The following CSMD1 variants were observed in gnomAD, a reference collection of about 807,000 sequenced individuals.
The protein encoded by CSMD1 is CUB and sushi domain-containing protein 1.
CSMD1 carries 213 observed loss-of-function variants against 417.5 expected under a neutral mutation model. The observed-to-expected ratio is 0.51, with a 90% CI of 0.46 to 0.57. The LOEUF is 0.57. Among genes scored for constraint, CSMD1 ranks in the 20% least tolerant of loss-of-function variants. The pLI is 0.00. For missense variants in CSMD1, 6,923 were observed against 4,529.7 expected (o/e 1.53, Z -15.17); for synonymous variants, 2,862 against 1,736.8 (o/e 1.65, Z -16.11).
At chr8:4,965,954 G>C (rs1585422870) in intron 1 of CSMD1, among the ~76,000 whole-genome samples, 1 of 152,118 alleles carries the variant, frequency 6.6e-6, no homozygotes, top group Non-Finnish European at 1.5e-5. Context: ...ACATGTGTGA[G>C]CATAACTCAA....
intron 1 of CSMD1, among the ~76,000 whole-genome samples, chr8:4,706,267 T>C (rs1807935766): frequency 6.6e-6 from 1 of 152,070 alleles, no homozygotes; most frequent in African/African-American, 2.4e-5. Flanking sequence ...CTAAAATTTC[T>C]CTTTTAATTC....
chr8:3,405,914 G>A, intron 15 of CSMD1, 113 bp downstream of exon 15: 8 of 933,160 alleles, frequency 8.6e-6, no homozygotes, highest in Non-Finnish European at 1.3e-5. Flanking sequence ...ACTGTGTGTG[G>A]TATTTTGTTA....
chr8:3,703,624 G>C (rs768548395), intron 7 of CSMD1, among the ~76,000 whole-genome samples: 9 of 152,156 alleles, frequency 5.9e-5, no homozygotes, highest in African/African-American at 2.2e-4. Flanking sequence ...GGTAGGTCTG[G>C]TAGAAAAATT....
chr8:4,472,748 C>G (rs542489017), intron 2 of CSMD1, among the ~76,000 whole-genome samples: 1 of 151,856 alleles, frequency 6.6e-6, no homozygotes, highest in African/African-American at 2.4e-5. Context: ...TGTGGACGTT[C>G]ACTTCTTTTA....
intron 5 of CSMD1, among the ~76,000 whole-genome samples, chr8:3,804,469 C>G (rs1255291627): frequency 1.3e-5 from 2 of 152,050 alleles, no homozygotes; most frequent in Admixed American, 6.6e-5. Context: ...CTATAATGGA[C>G]TATGGAATAA....
chr8:4,521,997 G>A (rs1286210990), intron 2 of CSMD1, among the ~76,000 whole-genome samples: 1 of 152,136 alleles, frequency 6.6e-6, no homozygotes, highest in Non-Finnish European at 1.5e-5. Context: ...ATTAAATTTT[G>A]AAAATCAAGT....
At position 3,183,335 on chromosome 8, in the gene CSMD1, T is replaced by C. The variant is rs2440723; in HGVS notation, c.5621-2121A>G. Among the ~76,000 whole-genome samples the C allele has an allele frequency of 5.8e-3, 443 of 76,792 alleles. 28 individuals are homozygous for C. The highest frequency in any genetic ancestry group is 0.015 in the African/African-American group (412 of 27,380). The allele number at this position is 76,792 out of a possible 152,430, so 50.4% of individuals were successfully genotyped here. A position where few individuals can be genotyped will look rare whatever the true frequency, so the allele number is the denominator to read the frequency against. ...ACGCCTAATCTATCTATCCCTGAAATATCGAGTAGGTCTCTAATGTTTCTT... is the reference window on the plus strand; with the variant it reads ...ACGCCTAATCTATCTATCCCTGAAACATCGAGTAGGTCTCTAATGTTTCTT... On this transcript the variant is annotated intron_variant, in intron 36 of 69. Transcript: ENST00000635120.
At chr8:4,035,582 G>A (rs190840588) in intron 3 of CSMD1, among the ~76,000 whole-genome samples, 3 of 152,218 alleles carry the variant, frequency 2.0e-5, no homozygotes, top group Non-Finnish European at 4.4e-5. Context: ...GTGTGTGTTT[G>A]AGTCTTAATT....
intron 3 of CSMD1, among the ~76,000 whole-genome samples, chr8:4,184,907 C>G (rs975444633): frequency 6.7e-6 from 1 of 149,424 alleles, no homozygotes. Flanking sequence ...AGACCAGCCT[C>G]TGGGTGGATC....
intron 11 of CSMD1, among the ~76,000 whole-genome samples, chr8:3,483,117 G>A (rs564037799): frequency 1.1e-4 from 17 of 152,096 alleles, no homozygotes; most frequent in African/African-American, 3.1e-4. Flanking sequence ...GGAAGAGTGC[G>A]ATAGAGGTCT....
At chr8:3,455,759 G>A (rs1816082300) in intron 12 of CSMD1, among the ~76,000 whole-genome samples, 3 of 152,222 alleles carry the variant, frequency 2.0e-5, no homozygotes, top group Admixed American at 2.0e-4. Flanking sequence ...TCAGGGGTCA[G>A]GGACCCACTT....
intron 1 of CSMD1, among the ~76,000 whole-genome samples, chr8:4,860,998 A>G (rs1043963939): frequency 2.6e-5 from 4 of 152,026 alleles, no homozygotes; most frequent in African/African-American, 9.7e-5. Flanking sequence ...CGTTCTCACT[A>G]CTATTGTAAT....
chr8:3,686,114 T>C (rs1258587822), intron 7 of CSMD1, among the ~76,000 whole-genome samples: 2 of 151,502 alleles, frequency 1.3e-5, no homozygotes, highest in African/African-American at 2.4e-5. Flanking sequence ...TCTATGTTTA[T>C]CAAAAAGAAA....
Position 3,097,103 on chromosome 8 carries a change from T to A in CSMD1, c.6950-66A>T, listed in dbSNP as rs1010941223. ...TGATTCCAACTGCAATAGGATAGTTTCTATCCCTGTATAAACAAGTCAATG... is the reference window on the plus strand; with the variant it reads ...TGATTCCAACTGCAATAGGATAGTTACTATCCCTGTATAAACAAGTCAATG... On this transcript the variant is annotated intron_variant, in intron 46 of 69. Coordinates refer to ENST00000635120, the MANE Select transcript of CSMD1 (RefSeq NM_033225.6). 44 of 1,237,138 alleles carry A rather than the reference T, an allele frequency of 3.6e-5. 1 individual carries two copies. In the Middle Eastern group the frequency reaches 6.2e-4, roughly 18 times the overall value. 76.6% of individuals were successfully genotyped at this position (1,237,138 alleles called of 1,614,324 possible).
intron 3 of CSMD1, among the ~76,000 whole-genome samples, chr8:4,302,005 T>C (rs574406508): frequency 1.3e-5 from 2 of 152,362 alleles, no homozygotes; most frequent in South Asian, 4.1e-4. Context: ...AACAAGTTAA[T>C]ATGAGTTTAT....
At chr8:3,920,675 T>G (rs986910187) in intron 5 of CSMD1, among the ~76,000 whole-genome samples, 6 of 152,116 alleles carry the variant, frequency 3.9e-5, no homozygotes, top group African/African-American at 1.4e-4. Context: ...GTTGAGAGCT[T>G]TTATCAGGAA....
At position 4,548,074 on chromosome 8, in the gene CSMD1, G is replaced by C. The variant is rs553720930; in HGVS notation, c.302+89268C>G. The stretch of plus-strand genomic sequence containing the variant: ...TGCAATATATTAAATAAAAGGCACA[G>C]TGTAAAGAAGGAATTACAGCTTGTT... On this transcript the variant is annotated intron_variant, in intron 2 of 69. Coordinates refer to ENST00000635120, the MANE Select transcript of CSMD1 (RefSeq NM_033225.6). Among the ~76,000 whole-genome samples the C allele has an allele frequency of 1.9e-3, 294 of 152,284 alleles. 3 individuals carry two copies. The highest frequency in any genetic ancestry group is 6.6e-3 in the African/African-American group (273 of 41,566).
intron 4 of CSMD1, among the ~76,000 whole-genome samples, chr8:4,011,621 A>T (rs975749365): frequency 2.0e-5 from 3 of 152,172 alleles, no homozygotes; most frequent in Non-Finnish European, 4.4e-5. Context: ...TTTAACATTC[A>T]TCCATTTCCT....
At chr8:3,043,681 C>T (rs937828600) in intron 50 of CSMD1, 2 of 152,012 alleles carry the variant, frequency 1.3e-5, no homozygotes, top group Non-Finnish European at 2.9e-5. Context: ...GCAAAAATCA[C>T]ACATTTATTA....
Sources: allele counts gnomAD v4.1 joint callset (sites outside exome capture counted in the v4.1 genomes callset), GRCh38; gene constraint gnomAD v4.1.1; transcripts MANE v1.5; gene names NCBI Gene and HGNC (gene_info 2026-07-23, HGNC 2026-07-21).